ABCC4: variants seen among roughly 807,000 people sequenced by gnomAD.
ABCC4 encodes ATP binding cassette subfamily C member 4 (PEL blood group), also known as ATP-binding cassette sub-family C member 4.
Under a neutral mutation model 168.5 loss-of-function variants are expected in ABCC4, and 102 were observed. That is an observed-to-expected ratio of 0.61 (90% CI 0.52 to 0.71). ABCC4 has a LOEUF of 0.71. Among genes scored for constraint, ABCC4 ranks in the 30% least tolerant of loss-of-function variants. The pLI is 0.00. For synonymous variants in ABCC4, 617 were observed against 590.7 expected, an observed-to-expected ratio of 1.04 and a Z score of -0.65; for missense variants, 1,402 against 1,605.8, an observed-to-expected ratio of 0.87 and a Z score of 2.17.
chr13:95,141,790 G>A (rs558023223), intron 19 of ABCC4, among the ~76,000 whole-genome samples: 25 of 152,154 alleles, frequency 1.6e-4, no homozygotes, highest in Non-Finnish European at 3.4e-4. Context: ...CGTAAGAGAC[G>A]GGGTCTTACG....
At chr13:95,260,409 G>C (rs1382909439) in intron 1 of ABCC4, among the ~76,000 whole-genome samples, 2 of 152,156 alleles carry the variant, frequency 1.3e-5, no homozygotes, top group Non-Finnish European at 2.9e-5. Context: ...TGAAACCCAA[G>C]TGGCGGTCCT....
At chr13:95,120,553 G>A (rs2035532278) in intron 19 of ABCC4, among the ~76,000 whole-genome samples, 1 of 121,626 alleles carries the variant, frequency 8.2e-6, no homozygotes, top group African/African-American at 3.1e-5. Context: ...CTGGGCGACA[G>A]AACGAGACTC....
intron 1 of ABCC4, among the ~76,000 whole-genome samples, chr13:95,278,631 C>CAAAACA (rs1338031191): frequency 6.6e-6 from 1 of 151,610 alleles, no homozygotes; most frequent in Non-Finnish European, 1.5e-5. Context: ...CCTGCCTCTA[C>CAAAACA]AAAACAAAAA....
chr13:95,049,575 A>G (rs1200095586), intron 27 of ABCC4, among the ~76,000 whole-genome samples: 1 of 152,028 alleles, frequency 6.6e-6, no homozygotes, highest in Non-Finnish European at 1.5e-5. Context: ...CGGGAGGCGG[A>G]GGTTGCAGTG....
Position 95,206,680 on chromosome 13 carries a change from G to A in ABCC4, c.1013C>T (p.Thr338Ile). The change falls in exon 8 of 31, where the codon ACC (threonine) becomes ATC (isoleucine). Residue 338 changes from threonine (T) to isoleucine (I), a missense_variant. By Grantham distance (89) the Thr-to-Ile change is moderately conservative. Coordinates refer to ENST00000645237, the MANE Select transcript of ABCC4 (RefSeq NM_005845.5). ...GATCACACTGCCGAGGAGCACGTAG[G>A]TGGTGAAGGTCACAAACACGATGAT... ...SKIIVFVTFT[T>I]YVLLGSVITA... The A allele has an allele frequency of 6.2e-7, 1 of 1,614,208 alleles. No individual in the cohort carries two copies. Among genetic ancestry groups the A allele is most frequent in the Non-Finnish European group, 8.5e-7 (1 of 1,180,046 alleles).
intron 19 of ABCC4, among the ~76,000 whole-genome samples, chr13:95,145,920 G>C (rs1566462843): frequency 6.6e-6 from 1 of 151,986 alleles, no homozygotes; most frequent in Non-Finnish European, 1.5e-5. Context: ...ACTCTGAGAA[G>C]GAAACAACAG....
At chr13:95,097,822 AC>A (rs1378365609) in intron 20 of ABCC4, among the ~76,000 whole-genome samples, 2 of 151,968 alleles carry the variant, frequency 1.3e-5, no homozygotes, top group Non-Finnish European at 2.9e-5. Flanking sequence ...ATAACTCACT[AC>A]TAAAATATTA....
chr13:95,248,432 G>A (rs1438040994), intron 1 of ABCC4, among the ~76,000 whole-genome samples: 1 of 152,042 alleles, frequency 6.6e-6, no homozygotes, highest in Non-Finnish European at 1.5e-5. Context: ...TTATTTATTA[G>A]TTACGAAAGG....
At chr13:95,193,469 C>T (rs543132779) in intron 9 of ABCC4, among the ~76,000 whole-genome samples, 2 of 152,324 alleles carry the variant, frequency 1.3e-5, no homozygotes, top group East Asian at 1.9e-4. Context: ...AGCTTCCTGC[C>T]GTGGCTGATC....
At chr13:95,154,950 T>C (rs1403520017) in intron 19 of ABCC4, among the ~76,000 whole-genome samples, 2 of 152,234 alleles carry the variant, frequency 1.3e-5, no homozygotes, top group Non-Finnish European at 2.9e-5. Context: ...TGATGACTCT[T>C]TTTTTCTGGC....
intron 3 of ABCC4, among the ~76,000 whole-genome samples, chr13:95,244,139 C>G (rs2040020631): frequency 6.6e-6 from 1 of 152,150 alleles, no homozygotes; most frequent in Admixed American, 6.5e-5. Flanking sequence ...ACTCTGAAGA[C>G]AGAGTTCTCA....
At chr13:95,218,910 A>C (rs2039204673) in intron 4 of ABCC4, among the ~76,000 whole-genome samples, 1 of 33,868 alleles carries the variant, frequency 3.0e-5, no homozygotes, top group Non-Finnish European at 6.8e-5. Flanking sequence ...AGAGAAAGAG[A>C]GAGAGAGAGA....
intron 30 of ABCC4, among the ~76,000 whole-genome samples, chr13:95,022,210 T>C (rs932337982): frequency 1.2e-4 from 18 of 152,184 alleles, no homozygotes; most frequent in Middle Eastern, 3.2e-3. Flanking sequence ...ATAGGGCCTA[T>C]AGAAATGTGG....
At chr13:95,132,180 T>G (rs1414574345) in intron 19 of ABCC4, among the ~76,000 whole-genome samples, 5 of 152,166 alleles carry the variant, frequency 3.3e-5, no homozygotes, top group Non-Finnish European at 7.3e-5. Flanking sequence ...TCCATTTGCA[T>G]ATAACATACA....
intron 19 of ABCC4, among the ~76,000 whole-genome samples, chr13:95,137,645 G>A (rs1443559701): frequency 2.6e-5 from 4 of 152,266 alleles, no homozygotes. Flanking sequence ...CTTTCCTGGT[G>A]GTGTCCCTCA....
At chr13:95,299,555 T>G (rs902200630) in intron 1 of ABCC4, among the ~76,000 whole-genome samples, 8 of 152,244 alleles carry the variant, frequency 5.3e-5, no homozygotes, top group African/African-American at 1.4e-4. Context: ...ACATCAGATT[T>G]TTTTTTGCGA....
At chr13:95,243,257 C>T (rs2039994064) in intron 3 of ABCC4, among the ~76,000 whole-genome samples, 1 of 152,174 alleles carries the variant, frequency 6.6e-6, no homozygotes, top group South Asian at 2.1e-4. Context: ...AAGAGCTGTC[C>T]CCATACTAGT....
intron 19 of ABCC4, among the ~76,000 whole-genome samples, chr13:95,135,796 T>G (rs1186502836): frequency 1.3e-5 from 2 of 152,228 alleles, no homozygotes; most frequent in Non-Finnish European, 2.9e-5. Context: ...TATTCTCAGT[T>G]TGACTTTTCA....
rs1278156037 is a variant in ABCC4 at position 95,157,127 on chromosome 13, C to G, written c.2455+4062G>C. ...ACACACACACACACACACACACACA[C>G]ACAAACAGTCACCATTTGTCCACTG... On this transcript the variant is annotated intron_variant, in intron 19 of 30. Transcript: ENST00000645237. Among the ~76,000 whole-genome samples the G allele has an allele frequency of 3.1e-5, 4 of 128,142 alleles. No individual in the cohort carries two copies. In the South Asian group the frequency reaches 8.9e-4, roughly 29 times the overall value. The allele number at this position is 128,142 out of a possible 152,430, so 84.1% of individuals were successfully genotyped here.
Sources: allele counts gnomAD v4.1 joint callset (sites outside exome capture counted in the v4.1 genomes callset), GRCh38; gene constraint gnomAD v4.1.1; transcripts MANE v1.5; gene names NCBI Gene and HGNC (gene_info 2026-07-23, HGNC 2026-07-21).